The following TMEM150C variants were observed in gnomAD, a reference collection of about 807,000 sequenced individuals.
The protein encoded by TMEM150C is tentonin 3.
Under a neutral mutation model 29.9 loss-of-function variants are expected in TMEM150C, and 10 were observed. The observed-to-expected ratio is 0.33, with a 90% CI of 0.21 to 0.57. TMEM150C has a LOEUF of 0.57. TMEM150C is among the 20% of genes least tolerant of loss of function. The pLI is 0.88. For missense variants in TMEM150C, 251 were observed against 303.6 expected (o/e 0.83, Z 1.29); for synonymous variants, 101 against 112.5 (o/e 0.90, Z 0.64).
At chr4:82,528,591 A>ACT (rs1227185958) in intron 1 of TMEM150C, among the ~76,000 whole-genome samples, 2 of 148,404 alleles carry the variant, frequency 1.3e-5, no homozygotes, top group East Asian at 3.9e-4. Flanking sequence ...ATTTCTAGTT[A>ACT]CTTTTCCTCG....
intron 5 of TMEM150C, among the ~76,000 whole-genome samples, chr4:82,499,743 AAG>A (rs1553905997): frequency 2.0e-5 from 3 of 151,328 alleles, no homozygotes. Context: ...AAAAAAAAAA[AAG>A]CACAAATAGA....
intron 5 of TMEM150C, among the ~76,000 whole-genome samples, chr4:82,501,297 C>T (rs759356952): frequency 9.9e-5 from 15 of 152,092 alleles, no homozygotes; most frequent in African/African-American, 1.2e-4. Flanking sequence ...CCCACAGGTG[C>T]ACCAGATACT....
intron 1 of TMEM150C, among the ~76,000 whole-genome samples, chr4:82,553,828 G>A (rs764250219): frequency 5.9e-5 from 9 of 152,112 alleles, no homozygotes; most frequent in Admixed American, 6.6e-5. Flanking sequence ...ATCATTCTGC[G>A]AATCAGTTAA....
chr4:82,542,414 G>C (rs1471021660), intron 1 of TMEM150C, among the ~76,000 whole-genome samples: 5 of 152,210 alleles, frequency 3.3e-5, no homozygotes, highest in Non-Finnish European at 7.3e-5. Context: ...ATGTGGCCTT[G>C]AATGCCAATC....
At chr4:82,489,922 GTT>G (rs1459149796) in intron 7 of TMEM150C, 137 bp downstream of exon 7, 1 of 811,080 alleles carries the variant, frequency 1.2e-6, no homozygotes, top group Non-Finnish European at 1.9e-6. Flanking sequence ...GAGGGTTTTT[GTT>G]TTTATACCTG....
chr4:82,547,293 A>G (rs901636742), intron 1 of TMEM150C, among the ~76,000 whole-genome samples: 1 of 152,218 alleles, frequency 6.6e-6, no homozygotes, highest in African/African-American at 2.4e-5. Context: ...ATGAAAAAAA[A>G]AAAAGGTTTA....
chr4:82,509,809 C>T (rs1208587956), intron 1 of TMEM150C: 1 of 151,828 alleles, frequency 6.6e-6, no homozygotes, highest in African/African-American at 2.4e-5. Flanking sequence ...AATAAACAAA[C>T]AAACAAATAA....
intron 1 of TMEM150C, among the ~76,000 whole-genome samples, chr4:82,535,496 G>T (rs1724974915): frequency 2.0e-5 from 3 of 152,310 alleles, no homozygotes; most frequent in Admixed American, 2.0e-4. Flanking sequence ...TGTAGCAATG[G>T]TATAGAAGCA....
At position 82,504,581 on chromosome 4, in the gene TMEM150C, A is replaced by G; in HGVS notation, c.77T>C (p.Ile26Thr). Reference protein sequence around the residue: ...FTLFTSAGLWIVYFIAVEDDK... With the variant: ...FTLFTSAGLWTVYFIAVEDDK... ...AATTAAATGAGCAAATACTCACACT[A>G]TCCACAATCCAGCTGAAGTAAACAA... is the stretch of plus-strand genomic sequence containing the variant. The change falls in exon 2 of 8, where the codon ATA (isoleucine) becomes ACA (threonine). Residue 26 changes from isoleucine to threonine, a missense_variant. Transcript: ENST00000449862. The G allele has an allele frequency of 6.2e-7, 1 of 1,611,464 alleles. No homozygotes were observed.
intron 1 of TMEM150C, among the ~76,000 whole-genome samples, chr4:82,531,139 G>A (rs1724832411): frequency 6.6e-6 from 1 of 152,172 alleles, no homozygotes; most frequent in South Asian, 2.1e-4. Flanking sequence ...AAGCAGCAAA[G>A]ATGGAGACTT....
At position 82,511,472 on chromosome 4, in the gene TMEM150C, A is replaced by ATTTTTT. The variant is rs397935719; in HGVS notation, c.-10-6811_-10-6806dup. ...CAATGGAGCACATTGTCCCAACACTATTTTTTTTTTTTTTTTTTTTGAGAT... is the reference window on the plus strand; with the variant it reads ...CAATGGAGCACATTGTCCCAACACTATTTTTTTTTTTTTTTTTTTTTTTTTTGAGAT... On this transcript the variant is annotated intron_variant, in intron 1 of 7. Transcript: ENST00000449862. Among the ~76,000 whole-genome samples the ATTTTTT allele has an allele frequency of 8.1e-3, 858 of 106,310 alleles. 57 individuals are homozygous for ATTTTTT. Among genetic ancestry groups the ATTTTTT allele is most frequent in the African/African-American group, 0.024 (613 of 25,684 alleles). 69.7% of individuals were successfully genotyped at this position (106,310 alleles called of 152,430 possible).
At chr4:82,499,375 G>A (rs113168878) in intron 5 of TMEM150C, among the ~76,000 whole-genome samples, 88 of 152,264 alleles carry the variant, frequency 5.8e-4, no homozygotes, top group African/African-American at 2.0e-3. Flanking sequence ...ATTTGAAACA[G>A]TCCTTTGCCA....
chr4:82,519,842 C>T (rs941617216), intron 1 of TMEM150C, among the ~76,000 whole-genome samples: 1 of 152,142 alleles, frequency 6.6e-6, no homozygotes, highest in African/African-American at 2.4e-5. Flanking sequence ...TAATAATATG[C>T]TGTAATAAAA....
chr4:82,485,347 TAAAG>T lies in TMEM150C; in HGVS notation c.*160_*163del. 1.6e-6 allele frequency: 1 copy of T among 619,460 alleles called. No homozygotes were observed. 38.4% of individuals were successfully genotyped at this position (619,460 alleles called of 1,614,324 possible). The stretch of plus-strand genomic sequence containing the variant: ...CACATAAGGGCTTGTGCTTTTTCAT[TAAAG>T]AAATAACTCGCCCTGAAAAGCTCAT... On this transcript the variant is annotated 3_prime_UTR_variant, in exon 8 of 8. Coordinates refer to ENST00000449862, the MANE Select transcript of TMEM150C (RefSeq NM_001080506.3).
Position 82,504,529 on chromosome 4 carries a change from A to G in TMEM150C, c.80+49T>C, listed in dbSNP as rs778015762. The G allele has an allele frequency of 7.9e-6, 12 of 1,510,498 alleles. No homozygotes were observed. In the Admixed American group the frequency reaches 1.2e-4, roughly 16 times the overall value. The allele number at this position is 1,510,498 out of a possible 1,614,324, so 93.6% of individuals were successfully genotyped here. The stretch of plus-strand genomic sequence containing the variant: ...ATATACTATTAAGGTTTACATTTGT[A>G]TCTACATTGCACCTGAATCCTTAAA... On this transcript the variant is annotated intron_variant, in intron 2 of 7. Transcript: ENST00000449862.
intron 1 of TMEM150C, among the ~76,000 whole-genome samples, chr4:82,541,415 T>C (rs1477330672): frequency 6.6e-6 from 1 of 151,920 alleles, no homozygotes; most frequent in Non-Finnish European, 1.5e-5. Flanking sequence ...TAACCATTGA[T>C]GTGAAAAAAC....
chr4:82,554,350 C>T lies in TMEM150C; in HGVS notation c.-11+7556G>A, dbSNP rs959511681. On this transcript the variant is annotated intron_variant, in intron 1 of 7. Transcript: ENST00000449862. ...TTTTAATTTGCAAATACTCCAAGTTCAGTAAAAAAATACTATTTCTATTGG... is the reference window on the plus strand; with the variant it reads ...TTTTAATTTGCAAATACTCCAAGTTTAGTAAAAAAATACTATTTCTATTGG... Among the ~76,000 whole-genome samples the T allele has an allele frequency of 7.9e-5, 12 of 152,226 alleles. No homozygotes were observed. The East Asian group carries it at 2.3e-3, about 29-fold the overall frequency.
At chr4:82,540,063 A>ATTG (rs1725146531) in intron 1 of TMEM150C, among the ~76,000 whole-genome samples, 3 of 145,904 alleles carry the variant, frequency 2.1e-5, no homozygotes. Flanking sequence ...TGCACATAAA[A>ATTG]TTGGTGTCTA....
chr4:82,488,609 C>T (rs1723234580), intron 7 of TMEM150C, among the ~76,000 whole-genome samples: 1 of 151,754 alleles, frequency 6.6e-6, no homozygotes, highest in Non-Finnish European at 1.5e-5. Context: ...TTTATTTTTG[C>T]CTTTTATTTT....
Sources: gnomAD v4.1 joint callset for allele counts (sites outside exome capture counted in the v4.1 genomes callset) on GRCh38, gnomAD v4.1.1 for gene constraint, MANE v1.5 for transcripts, NCBI Gene and HGNC (gene_info 2026-07-23, HGNC 2026-07-21) for gene names.